TULP4: variants seen among roughly 807,000 people sequenced by gnomAD.
TULP4 encodes the protein tubby-related protein 4.
TULP4 carries 16 observed loss-of-function variants against 129.0 expected under a neutral mutation model. The ratio of observed to expected loss-of-function variants is 0.12; its 90% CI spans 0.08 to 0.19. TULP4 has a LOEUF of 0.19. Ranked by LOEUF, TULP4 falls within the 10% of genes least tolerant of loss-of-function variation. TULP4 has a pLI of 1.00. For synonymous variants in TULP4, 998 were observed against 854.0 expected, an observed-to-expected ratio of 1.17 and a Z score of -2.94; for missense variants, 1,842 against 2,059.1, an observed-to-expected ratio of 0.89 and a Z score of 2.04.
intron 1 of TULP4, among the ~76,000 whole-genome samples, chr6:158,399,232 C>G (rs1200042624): frequency 6.6e-6 from 1 of 152,162 alleles, no homozygotes; most frequent in Non-Finnish European, 1.5e-5. Flanking sequence ...CTTGCTAACC[C>G]TTGGCAGTTT....
intron 1 of TULP4, among the ~76,000 whole-genome samples, chr6:158,245,538 A>ATT (rs1778012543): frequency 6.6e-6 from 1 of 152,146 alleles, no homozygotes; most frequent in Non-Finnish European, 1.5e-5. Context: ...CTGCTGTTAG[A>ATT]TATCACAATG....
intron 1 of TULP4, chr6:158,398,629 A>C (rs1777773207): frequency 6.6e-6 from 1 of 152,286 alleles, no homozygotes; most frequent in Non-Finnish European, 1.5e-5. Flanking sequence ...TTTTTAAAAA[A>C]GACTTTCTGA....
chr6:158,427,399 AT>A (rs1328604950), intron 2 of TULP4, among the ~76,000 whole-genome samples: 1 of 150,116 alleles, frequency 6.7e-6, no homozygotes, highest in East Asian at 2.0e-4. Flanking sequence ...AAAGGAAAAT[AT>A]TAACAACTAC....
In TULP4 at chr6:158,502,225, G is replaced by GCCC; in HGVS notation, c.2564_2565insCCC (p.Pro857dup). ...CCACAGCAGCACCCCCGCCCCCTCT[G>GCCC]CCGCCCCCACAGCCCCCAGTGGATG... On this transcript the variant is annotated inframe_insertion, in exon 13 of 14. Coordinates refer to ENST00000367097, the MANE Select transcript of TULP4 (RefSeq NM_020245.5). The GCCC allele has an allele frequency of 1.7e-6, 2 of 1,189,688 alleles. No individual in the cohort carries two copies. Among genetic ancestry groups the GCCC allele is most frequent in the Admixed American group, 3.8e-5 (1 of 26,506 alleles). The allele number at this position is 1,189,688 out of a possible 1,614,324, so 73.7% of individuals were successfully genotyped here.
chr6:158,433,939 C>G (rs1030656822), intron 3 of TULP4, among the ~76,000 whole-genome samples: 3 of 138,318 alleles, frequency 2.2e-5, no homozygotes, highest in Non-Finnish European at 5.0e-5. Context: ...AAGTGTATTT[C>G]TCACAGTTCT....
At chr6:158,372,427 T>C (rs1254166824) in intron 1 of TULP4, among the ~76,000 whole-genome samples, 6 of 152,134 alleles carry the variant, frequency 3.9e-5, no homozygotes, top group African/African-American at 1.2e-4. Flanking sequence ...TACTGAGTTA[T>C]GTAATAGCAG....
At chr6:158,352,410 T>C (rs542171991) in intron 1 of TULP4, among the ~76,000 whole-genome samples, 1 of 152,222 alleles carries the variant, frequency 6.6e-6, no homozygotes, top group Non-Finnish European at 1.5e-5. Flanking sequence ...CACTGGTTCT[T>C]TTTTTGAGAC....
intron 1 of TULP4, among the ~76,000 whole-genome samples, chr6:158,388,597 G>A (rs1338970033): frequency 6.6e-6 from 1 of 150,644 alleles, no homozygotes; most frequent in African/African-American, 2.4e-5. Context: ...CCAAAGTGCT[G>A]GGATTACAGG....
Position 158,449,046 on chromosome 6 carries a change from C to T in TULP4, c.594C>T (p.Gly198=), listed in dbSNP as rs773209694. Residue 198 remains glycine (G), a synonymous_variant, in exon 4 of 14, where the codon GGC becomes GGT. Transcript: ENST00000367097. The part of the protein sequence containing the change: ...DGQVIVMDCH[G]RMLAHVLLHE... ...AGGTGATTGTCATGGATTGCCACGG[C>T]AGAATGCTGGCCCACGTCCTCTTGC... 1.9e-6 allele frequency: 3 copies of T among 1,613,908 alleles called. No homozygotes were observed. The highest frequency in any genetic ancestry group is 2.5e-6 in the Non-Finnish European group (3 of 1,179,828).
At chr6:158,461,806 A>T in intron 6 of TULP4, 77 bp downstream of exon 6, 1 of 1,472,204 alleles carries the variant, frequency 6.8e-7, no homozygotes, top group South Asian at 1.4e-5. Flanking sequence ...TTGTTGACAA[A>T]TTTTATTTTA....
intron 12 of TULP4, among the ~76,000 whole-genome samples, chr6:158,500,042 C>T (rs184592048): frequency 2.8e-4 from 43 of 152,248 alleles, no homozygotes; most frequent in African/African-American, 9.9e-4. Flanking sequence ...CCTTCTACTT[C>T]AGAATCTTGG....
At chr6:158,447,257 A>G (rs532105464) in intron 3 of TULP4, among the ~76,000 whole-genome samples, 8 of 152,268 alleles carry the variant, frequency 5.3e-5, no homozygotes, top group Non-Finnish European at 1.0e-4. Context: ...TGTCACATGA[A>G]GGCTTTGTAG....
intron 12 of TULP4, among the ~76,000 whole-genome samples, chr6:158,500,469 C>A (rs1780419463): frequency 6.6e-6 from 1 of 152,216 alleles, no homozygotes; most frequent in African/African-American, 2.4e-5. Context: ...GCCAGTGTCA[C>A]ATTTCCTAAT....
chr6:158,393,365 G>T (rs1258879144), intron 1 of TULP4, among the ~76,000 whole-genome samples: 1 of 152,164 alleles, frequency 6.6e-6, no homozygotes, highest in Non-Finnish European at 1.5e-5. Context: ...TCTAGAGGAT[G>T]GTGGCCCTCT....
intron 8 of TULP4, among the ~76,000 whole-genome samples, chr6:158,482,709 A>G (rs1341629440): frequency 2.0e-5 from 3 of 152,326 alleles, no homozygotes; most frequent in East Asian, 1.9e-4. Flanking sequence ...CACTGATGTC[A>G]GTACCTCTAA....
At chr6:158,234,576 A>G (rs1209842399) in intron 1 of TULP4, among the ~76,000 whole-genome samples, 1 of 152,226 alleles carries the variant, frequency 6.6e-6, no homozygotes, top group African/African-American at 2.4e-5. Context: ...GAGAGTGAAG[A>G]TAGAGTGGCT....
rs1465674225 is a variant in TULP4 at position 158,312,634 on chromosome 6, T to G, written c.-1383T>G. 7 of 152,548 alleles carry G rather than the reference T, an allele frequency of 4.6e-5. No homozygotes were observed. The highest frequency in any genetic ancestry group is 4.6e-4 in the Admixed American group (7 of 15,304). The allele number at this position is 152,548 out of a possible 1,614,324, so 9.4% of individuals were successfully genotyped here. On this transcript the variant is annotated 5_prime_UTR_variant, in exon 1 of 14. Transcript: ENST00000367097. ...AGTTTGAATAATGAACTGATTCCTT[T>G]GCCTATCTTAATTAACTGTATTTGA...
At chr6:158,292,205 G>A (rs1778954996) in intron 1 of TULP4, among the ~76,000 whole-genome samples, 1 of 152,198 alleles carries the variant, frequency 6.6e-6, no homozygotes. Context: ...TTCAGCCTCT[G>A]TACCTAGAGG....
At chr6:158,455,855 A>G (rs1236982073) in intron 5 of TULP4, among the ~76,000 whole-genome samples, 1 of 152,228 alleles carries the variant, frequency 6.6e-6, no homozygotes, top group African/African-American at 2.4e-5. Context: ...GGACAGAGAA[A>G]AAGCTTCCCT....
Sources: allele counts gnomAD v4.1 joint callset (sites outside exome capture counted in the v4.1 genomes callset), GRCh38; gene constraint gnomAD v4.1.1; transcripts MANE v1.5; gene names NCBI Gene and HGNC (gene_info 2026-07-23, HGNC 2026-07-21).